The following DOK5 variants were observed in gnomAD, a reference collection of about 807,000 sequenced individuals.
DOK5 encodes the protein downstream of tyrosine kinase 5.
A neutral mutation model predicts 43.3 loss-of-function variants in DOK5; 27 were observed. That is an observed-to-expected ratio of 0.62 (90% CI 0.46 to 0.86). The LOEUF is 0.86. DOK5 is among the 40% of genes least tolerant of loss of function. The probability of loss-of-function intolerance (pLI) is 0.00; values close to 1 mark genes in which losing one functional copy is unlikely to be tolerated. For missense variants in DOK5, 373 were observed against 392.9 expected, an observed-to-expected ratio of 0.95 and a Z score of 0.43; for synonymous variants, 146 against 140.1, an observed-to-expected ratio of 1.04 and a Z score of -0.30.
At chr20:54,598,663 A>G (rs907070975) in intron 5 of DOK5, among the ~76,000 whole-genome samples, 2 of 152,206 alleles carry the variant, frequency 1.3e-5, no homozygotes, top group African/African-American at 4.8e-5. Context: ...CTAAATAATT[A>G]CCGCACATGA....
intron 2 of DOK5, 94 bp from the exon 3 acceptor site, chr20:54,588,389 T>TGTGCC: frequency 1.0e-6 from 1 of 954,760 alleles, no homozygotes; most frequent in Non-Finnish European, 1.7e-6. Flanking sequence ...TCAGCTGTGC[T>TGTGCC]GTGCCATACT....
chr20:54,616,894 A>C (rs980923877), intron 6 of DOK5, among the ~76,000 whole-genome samples: 1 of 141,816 alleles, frequency 7.1e-6, no homozygotes, highest in Non-Finnish European at 1.5e-5. Flanking sequence ...TTCACCCACC[A>C]TTCTCCTGCC....
chr20:54,523,167 GTCAGAAA>G (rs1417110684), intron 1 of DOK5, among the ~76,000 whole-genome samples: 5 of 152,200 alleles, frequency 3.3e-5, no homozygotes, highest in African/African-American at 1.2e-4. Flanking sequence ...TAGTGCCAAA[GTCAGAAA>G]TGCATTAAGC....
chr20:54,481,176 ATC>A (rs1300388262), intron 1 of DOK5, among the ~76,000 whole-genome samples: 1 of 137,652 alleles, frequency 7.3e-6, no homozygotes, highest in South Asian at 2.5e-4. Flanking sequence ...CTATCTATCT[ATC>A]TATATTTTTT....
At chr20:54,508,907 C>T (rs951917066) in intron 1 of DOK5, among the ~76,000 whole-genome samples, 47 of 150,950 alleles carry the variant, frequency 3.1e-4, no homozygotes, top group East Asian at 1.6e-3. Flanking sequence ...GACAGAGTCT[C>T]GCTGTCTCAC....
intron 2 of DOK5, among the ~76,000 whole-genome samples, chr20:54,586,363 G>C (rs1600718685): frequency 6.6e-6 from 1 of 152,148 alleles, no homozygotes; most frequent in Non-Finnish European, 1.5e-5. Context: ...GGACCTTGGG[G>C]GAAAAGTGAA....
intron 1 of DOK5, among the ~76,000 whole-genome samples, chr20:54,523,200 A>T (rs1286442861): frequency 6.6e-6 from 1 of 152,218 alleles, no homozygotes; most frequent in African/African-American, 2.4e-5. Context: ...GAAAGGAACC[A>T]TCAAACTTGG....
intron 6 of DOK5, among the ~76,000 whole-genome samples, chr20:54,630,219 G>A (rs1978498585): frequency 6.6e-6 from 1 of 152,192 alleles, no homozygotes. Flanking sequence ...TGGTGGTGAT[G>A]GAGGTGAGGG....
At chr20:54,486,353 T>A (rs971651134) in intron 1 of DOK5, among the ~76,000 whole-genome samples, 1 of 150,742 alleles carries the variant, frequency 6.6e-6, no homozygotes, top group Non-Finnish European at 1.5e-5. Flanking sequence ...TATATATGTC[T>A]GTATTTGTAT....
chr20:54,480,940 TATCTATCTATC>T (rs1188181161), intron 1 of DOK5, among the ~76,000 whole-genome samples: 1 of 134,128 alleles, frequency 7.5e-6, no homozygotes, highest in South Asian at 2.1e-4. Context: ...ATCTATCATC[TATCTATCTATC>T]ATCTATCTAT....
chr20:54,610,140 T>A (rs574285634), intron 5 of DOK5, among the ~76,000 whole-genome samples: 10 of 152,258 alleles, frequency 6.6e-5, no homozygotes, highest in Admixed American at 5.2e-4. Flanking sequence ...TTAAAAAAAA[T>A]TTCTGTTTTA....
At chr20:54,484,645 C>T (rs973433164) in intron 1 of DOK5, among the ~76,000 whole-genome samples, 6 of 152,228 alleles carry the variant, frequency 3.9e-5, no homozygotes, top group Non-Finnish European at 7.3e-5. Context: ...CCTCCTGCCC[C>T]TGTCCTCCAT....
chr20:54,627,183 A>G (rs1978336751), intron 6 of DOK5, among the ~76,000 whole-genome samples: 1 of 152,160 alleles, frequency 6.6e-6, no homozygotes, highest in Admixed American at 6.5e-5. Context: ...CCCTGAAAAT[A>G]AAAAACAAAA....
chr20:54,639,188 G>A (rs1325106704), intron 6 of DOK5, among the ~76,000 whole-genome samples: 1 of 152,180 alleles, frequency 6.6e-6, no homozygotes, highest in Non-Finnish European at 1.5e-5. Context: ...GATGAACCAT[G>A]AGCACAAGTC....
intron 4 of DOK5, among the ~76,000 whole-genome samples, chr20:54,590,712 T>C (rs1985953094): frequency 6.6e-6 from 1 of 152,174 alleles, no homozygotes. Context: ...GACTATCTTA[T>C]CATAAAACAA....
At chr20:54,568,894 T>TG (rs1985186722) in intron 2 of DOK5, among the ~76,000 whole-genome samples, 1 of 150,132 alleles carries the variant, frequency 6.7e-6, no homozygotes, top group South Asian at 2.1e-4. Flanking sequence ...TTCACGCCAC[T>TG]GCACTCCAGC....
intron 5 of DOK5, among the ~76,000 whole-genome samples, chr20:54,593,041 A>G (rs566145724): frequency 6.6e-6 from 1 of 152,194 alleles, no homozygotes; most frequent in Non-Finnish European, 1.5e-5. Flanking sequence ...ACCCCAATCC[A>G]TGTGAATGGA....
At chr20:54,499,159 C>A (rs1982503796) in intron 1 of DOK5, among the ~76,000 whole-genome samples, 1 of 152,230 alleles carries the variant, frequency 6.6e-6, no homozygotes, top group Admixed American at 6.5e-5. Context: ...TAATTTAACT[C>A]TTGGGATAAG....
intron 5 of DOK5, among the ~76,000 whole-genome samples, chr20:54,598,456 G>C (rs1237595734): frequency 6.6e-6 from 1 of 152,128 alleles, no homozygotes; most frequent in Admixed American, 6.5e-5. Context: ...ATCTCCCTTG[G>C]AACCATTCTT....
Sources: gnomAD v4.1 joint callset for allele counts (sites outside exome capture counted in the v4.1 genomes callset) on GRCh38, gnomAD v4.1.1 for gene constraint, MANE v1.5 for transcripts, NCBI Gene and HGNC (gene_info 2026-07-23, HGNC 2026-07-21) for gene names.